DGCR2: variants seen among roughly 807,000 people sequenced by gnomAD.
DGCR2 encodes the protein integral membrane protein DGCR2/IDD.
In DGCR2, 24 loss-of-function variants were observed where a neutral mutation model predicts 51.6. That is an observed-to-expected ratio of 0.47 (90% CI 0.34 to 0.65). DGCR2 has a LOEUF of 0.65. Among genes scored for constraint, DGCR2 ranks in the 30% least tolerant of loss-of-function variants. The probability of loss-of-function intolerance (pLI) is 0.01; values close to 1 mark genes in which losing one functional copy is unlikely to be tolerated. For synonymous variants in DGCR2, 340 were observed against 315.4 expected (o/e 1.08, Z -0.82); for missense variants, 765 against 772.1 (o/e 0.99, Z 0.11).
chr22:19,055,808 A>G (rs2082594501), intron 6 of DGCR2: 2 of 153,442 alleles, frequency 1.3e-5, no homozygotes, highest in South Asian at 4.1e-4. Flanking sequence ...CCGGCCGCAC[A>G]TCTGCAATGG....
chr22:19,121,675 C>T (rs2083434094), intron 1 of DGCR2: 1 of 152,940 alleles, frequency 6.5e-6, no homozygotes, highest in Admixed American at 6.5e-5. Context: ...GACCTGAGGA[C>T]TTCCTTAGCG....
At chr22:19,078,741 C>CCAAG (rs1174450000) in intron 2 of DGCR2, among the ~76,000 whole-genome samples, 1 of 152,168 alleles carries the variant, frequency 6.6e-6, no homozygotes, top group African/African-American at 2.4e-5. Context: ...TGACAGACTG[C>CCAAG]TAAACTTGGT....
intron 1 of DGCR2, among the ~76,000 whole-genome samples, chr22:19,096,789 T>C (rs1026117606): frequency 6.6e-6 from 1 of 151,456 alleles, no homozygotes; most frequent in Non-Finnish European, 1.5e-5. Context: ...ACAGGCACAA[T>C]CATGGTGCCT....
chr22:19,041,221 CGTGAGGCCCGTGCCA>C lies in DGCR2; in HGVS notation c.1218_1232del (p.Phe406_Thr411delinsLeu). ...CTCCGTCGTCAGAAAGATGCAGCGG[CGTGAGGCCCGTGCCA>C]AACCCGTCTGGGCCGTAATCAAAGC... On this transcript the variant is annotated inframe_deletion, in exon 9 of 10. Coordinates refer to ENST00000263196, the MANE Select transcript of DGCR2 (RefSeq NM_005137.3). 1 of 1,614,096 alleles carries C rather than the reference CGTGAGGCCCGTGCCA, an allele frequency of 6.2e-7. No individual in the cohort carries two copies. Among genetic ancestry groups the C allele is most frequent in the Non-Finnish European group, 8.5e-7 (1 of 1,180,006 alleles).
In DGCR2 at chr22:19,040,984, G is replaced by T. The variant is rs894468752; in HGVS notation, c.1396+74C>A. On this transcript the variant is annotated intron_variant, in intron 9 of 9. Coordinates refer to ENST00000263196, the MANE Select transcript of DGCR2 (RefSeq NM_005137.3). ...GAGGTCCCTAGGCCTCTGCAGCTGG[G>T]CAAGAGTGCTGGGCTCAGCCCCACG... 4.5e-6 allele frequency: 6 copies of T among 1,344,182 alleles called. No homozygotes were observed. The African/African-American group carries it at 8.8e-5, about 20-fold the overall frequency. The allele number at this position is 1,344,182 out of a possible 1,614,324, so 83.3% of individuals were successfully genotyped here.
At chr22:19,050,575 T>C (rs866373351) in intron 6 of DGCR2, among the ~76,000 whole-genome samples, 6 of 152,250 alleles carry the variant, frequency 3.9e-5, no homozygotes, top group African/African-American at 1.2e-4. Flanking sequence ...CCTACATGCA[T>C]AGTTTTCCTC....
intron 1 of DGCR2, chr22:19,121,655 G>A (rs925192977): frequency 2.4e-4 from 37 of 152,574 alleles, no homozygotes; most frequent in African/African-American, 7.2e-4. Flanking sequence ...GCCTCCTCTA[G>A]GCCCGGTGGG....
chr22:19,042,426 G>A (rs1250442374), intron 7 of DGCR2, among the ~76,000 whole-genome samples: 1 of 152,238 alleles, frequency 6.6e-6, no homozygotes, highest in Non-Finnish European at 1.5e-5. Flanking sequence ...CTGGGCTCTT[G>A]GGAGGAAGGT....
At chr22:19,077,725 CTTG>C (rs762508305) in intron 2 of DGCR2, among the ~76,000 whole-genome samples, 8 of 152,124 alleles carry the variant, frequency 5.3e-5, no homozygotes, top group Admixed American at 1.3e-4. Context: ...GCAAAAAAAA[CTTG>C]TTGGCATTTT....
chr22:19,116,811 C>T (rs2238757), intron 1 of DGCR2, among the ~76,000 whole-genome samples: 23,487 of 151,956 alleles, frequency 0.15, 2,096 homozygotes, highest in South Asian at 0.29. Context: ...TCAGGTCCAG[C>T]AGGAGAGAGT....
At chr22:19,118,330 A>G (rs2083394164) in intron 1 of DGCR2, among the ~76,000 whole-genome samples, 3 of 146,634 alleles carry the variant, frequency 2.0e-5, no homozygotes, top group Non-Finnish European at 4.5e-5. Flanking sequence ...GAGATCCCGC[A>G]ACTGCACTCC....
intron 1 of DGCR2, among the ~76,000 whole-genome samples, chr22:19,112,300 A>G (rs1936952): frequency 2.0e-5 from 3 of 150,626 alleles, no homozygotes; most frequent in African/African-American, 7.4e-5. Flanking sequence ...AAACCTAGGA[A>G]AATAATAAAA....
intron 6 of DGCR2, chr22:19,055,651 G>GA (rs2146322739): frequency 6.6e-6 from 1 of 152,264 alleles, no homozygotes; most frequent in East Asian, 1.9e-4. Flanking sequence ...AAGGAGTTTA[G>GA]AAAACATATC....
intron 1 of DGCR2, among the ~76,000 whole-genome samples, chr22:19,108,385 AC>A (rs1195968568): frequency 6.6e-6 from 1 of 151,988 alleles, no homozygotes; most frequent in Non-Finnish European, 1.5e-5. Flanking sequence ...AGCTTGGGCA[AC>A]ACAGGGATCC....
chr22:19,111,151 G>C (rs2083310087), intron 1 of DGCR2, among the ~76,000 whole-genome samples: 1 of 152,194 alleles, frequency 6.6e-6, no homozygotes, highest in Admixed American at 6.5e-5. Flanking sequence ...AGCCTCCCAA[G>C]CTTCTGGAAA....
intron 1 of DGCR2, among the ~76,000 whole-genome samples, chr22:19,118,460 G>C (rs1474394209): frequency 1.3e-5 from 2 of 150,496 alleles, no homozygotes; most frequent in African/African-American, 4.9e-5. Flanking sequence ...GATGTGATCA[G>C]CTCAGCACAG....
intron 1 of DGCR2, among the ~76,000 whole-genome samples, chr22:19,105,049 A>AC (rs1216721686): frequency 2.6e-5 from 4 of 152,170 alleles, no homozygotes; most frequent in African/African-American, 9.7e-5. Flanking sequence ...AGGGCCGGGC[A>AC]CGGTGGCTCA....
intron 1 of DGCR2, among the ~76,000 whole-genome samples, chr22:19,119,117 CAG>C (rs1211245676): frequency 6.6e-6 from 1 of 152,128 alleles, no homozygotes; most frequent in Non-Finnish European, 1.5e-5. Flanking sequence ...TGGGACCTAA[CAG>C]GGGACAGAGG....
In DGCR2 at chr22:19,103,416, C is replaced by CTTTTTTTTT. The variant is rs55877455; in HGVS notation, c.80-13935_80-13927dup. 1.3e-4 allele frequency among the ~76,000 whole-genome samples: 9 copies of CTTTTTTTTT among 67,714 alleles called. 1 individual carries two copies. Among genetic ancestry groups the CTTTTTTTTT allele is most frequent in the Admixed American group, 1.9e-4 (1 of 5,324 alleles). The allele number at this position is 67,714 out of a possible 152,430, so 44.4% of individuals were successfully genotyped here. The stretch of plus-strand genomic sequence containing the variant: ...GTATTTTACCACAATAAAAAAAGTT[C>CTTTTTTTTT]TTTTTTTTTTTTTTTTTTTTTTTTT... On this transcript the variant is annotated intron_variant, in intron 1 of 9. Transcript: ENST00000263196.
Sources: gnomAD v4.1 joint callset for allele counts (sites outside exome capture counted in the v4.1 genomes callset) on GRCh38, gnomAD v4.1.1 for gene constraint, MANE v1.5 for transcripts, NCBI Gene and HGNC (gene_info 2026-07-23, HGNC 2026-07-21) for gene names.